TSHZ2: variants seen among roughly 807,000 people sequenced by gnomAD.
TSHZ2 encodes teashirt zinc finger homeobox 2.
TSHZ2 carries 21 observed loss-of-function variants against 74.4 expected under a neutral mutation model. The observed-to-expected ratio is 0.28, with a 90% confidence interval of 0.20 to 0.41. The LOEUF is 0.41. TSHZ2 is among the 10% of genes least tolerant of loss of function. The pLI is 1.00. For synonymous variants in TSHZ2, 540 were observed against 515.3 expected (o/e 1.05, Z -0.65); for missense variants, 1,244 against 1,293.5 (o/e 0.96, Z 0.59).
At chr20:53,185,717 A>G (rs1023202381) in intron 1 of TSHZ2, 2 of 1,535,908 alleles carry the variant, frequency 1.3e-6, no homozygotes, top group African/African-American at 2.7e-5. Flanking sequence ...AGTCATCCCT[A>G]TGGCTCTATT....
At chr20:53,366,641 G>A (rs1247543666) in intron 2 of TSHZ2, among the ~76,000 whole-genome samples, 1 of 152,064 alleles carries the variant, frequency 6.6e-6, no homozygotes, top group Non-Finnish European at 1.5e-5. Context: ...AATGAGAGAG[G>A]CTAGGTCAAG....
At position 53,255,334 on chromosome 20, in the gene TSHZ2, T is replaced by C; in HGVS notation, c.1876T>C (p.Phe626Leu). 1 of 1,614,048 alleles carries C rather than the reference T, an allele frequency of 6.2e-7. No homozygotes were observed. Among genetic ancestry groups the C allele is most frequent in the Non-Finnish European group, 8.5e-7 (1 of 1,179,958 alleles). The change falls in exon 2 of 3, where the codon TTC (phenylalanine) becomes CTC (leucine). Residue 626 changes from phenylalanine (F) to leucine (L), a missense_variant. By Grantham distance (22) the Phe-to-Leu change is conservative. Transcript: ENST00000371497. The surrounding 1 kb of genome is among the most constrained non-coding windows in gnomAD (Gnocchi z 4.1). Reference sequence around the variant, plus strand: ...AAGTCCCCACGAAGAGGCCTCATCTTTCAGCCACAGTGAGGGCGATTCTTT... The same window carrying C: ...AAGTCCCCACGAAGAGGCCTCATCTCTCAGCCACAGTGAGGGCGATTCTTT... ...KESPHEEASS[F>L]SHSEGDSFRK...
intron 2 of TSHZ2, among the ~76,000 whole-genome samples, chr20:53,485,129 T>C (rs1404191112): frequency 1.3e-5 from 2 of 152,216 alleles, no homozygotes; most frequent in African/African-American, 4.8e-5. Context: ...ACCGAAAACG[T>C]TCCTATCTTT....
chr20:53,061,549 T>C (rs1236033890), intron 1 of TSHZ2, among the ~76,000 whole-genome samples: 1 of 152,176 alleles, frequency 6.6e-6, no homozygotes, highest in Non-Finnish European at 1.5e-5. Flanking sequence ...TGCTGGGAGA[T>C]TTCCTGTGTA....
chr20:53,169,357 G>A (rs1212264181), intron 1 of TSHZ2, among the ~76,000 whole-genome samples: 2 of 152,186 alleles, frequency 1.3e-5, no homozygotes, highest in African/African-American at 4.8e-5. Context: ...CTCCAGCCGT[G>A]TTGAGCTCTA....
chr20:53,223,792 A>G, intron 1 of TSHZ2, among the ~76,000 whole-genome samples: 1 of 152,144 alleles, frequency 6.6e-6, no homozygotes, highest in East Asian at 1.9e-4. Flanking sequence ...AGCTGTGGCC[A>G]TAAAGAGTAG....
chr20:53,450,982 AAAG>A (rs1984757304), intron 2 of TSHZ2, among the ~76,000 whole-genome samples: 1 of 152,192 alleles, frequency 6.6e-6, no homozygotes. Context: ...GGGAAAAAAA[AAAG>A]ACCATGAATC....
intron 2 of TSHZ2, among the ~76,000 whole-genome samples, chr20:53,415,502 C>A: frequency 6.6e-6 from 1 of 152,012 alleles, no homozygotes; most frequent in Non-Finnish European, 1.5e-5. Flanking sequence ...CCCACACACA[C>A]AGCCTCCTAC....
intron 1 of TSHZ2, among the ~76,000 whole-genome samples, chr20:53,087,676 G>T (rs1985740573): frequency 6.6e-6 from 1 of 152,120 alleles, no homozygotes; most frequent in Non-Finnish European, 1.5e-5. Context: ...TTTCTTTTTT[G>T]ATTTGCTTGT....
intron 1 of TSHZ2, among the ~76,000 whole-genome samples, chr20:53,032,697 G>A (rs554094921): frequency 2.0e-5 from 3 of 152,262 alleles, no homozygotes; most frequent in South Asian, 4.2e-4. Flanking sequence ...TGTGAGAACC[G>A]ATGAGGAGGC....
At chr20:53,236,610 T>C (rs927457277) in intron 1 of TSHZ2, among the ~76,000 whole-genome samples, 4 of 152,200 alleles carry the variant, frequency 2.6e-5, no homozygotes, top group Admixed American at 6.5e-5. Flanking sequence ...CAAAGCTAGA[T>C]TCAATCAGTT....
At chr20:53,190,137 A>ATATATATATATT (rs1568803538) in intron 1 of TSHZ2, among the ~76,000 whole-genome samples, 3 of 90,494 alleles carry the variant, frequency 3.3e-5, no homozygotes, top group Non-Finnish European at 4.4e-5. Context: ...ATATATATAT[A>ATATATATATATT]TTTTCTTAAA....
intron 1 of TSHZ2, among the ~76,000 whole-genome samples, chr20:53,037,925 T>C (rs934338905): frequency 1.9e-4 from 29 of 152,126 alleles, no homozygotes; most frequent in African/African-American, 6.7e-4. Flanking sequence ...ACAGAATGCC[T>C]GGGTCTGCTT....
chr20:53,337,179 G>A (rs1010042507), intron 2 of TSHZ2, among the ~76,000 whole-genome samples: 4 of 152,158 alleles, frequency 2.6e-5, no homozygotes, highest in East Asian at 1.9e-4. Context: ...GAAAAGCTCC[G>A]TTTGGGCCTT....
chr20:53,138,467 C>T (rs554192831), intron 1 of TSHZ2, among the ~76,000 whole-genome samples: 2 of 151,990 alleles, frequency 1.3e-5, no homozygotes, highest in South Asian at 4.2e-4. Context: ...TCTGCCTATT[C>T]TCCCTCCACA....
At chr20:53,208,810 G>A (rs1288283705) in intron 1 of TSHZ2, 1 of 152,216 alleles carries the variant, frequency 6.6e-6, no homozygotes, top group East Asian at 1.9e-4. Flanking sequence ...CTACCACAAA[G>A]GTGTGTTTGT....
chr20:53,125,050 T>C (rs1458520790), intron 1 of TSHZ2, among the ~76,000 whole-genome samples: 1 of 152,218 alleles, frequency 6.6e-6, no homozygotes, highest in East Asian at 1.9e-4. Flanking sequence ...TGGCATCACT[T>C]TCAAGCTATA....
In TSHZ2 at chr20:52,973,108, G is replaced by C. The variant is rs1021926112; in HGVS notation, c.-186G>C. On this transcript the variant is annotated 5_prime_UTR_variant, in exon 1 of 3. Transcript: ENST00000371497. ...AAGCCACCCGTGTCTGCCACCCAGAGAGGGGGGTCTCTGGCCCGTGGTGGA... is the reference window on the plus strand; with the variant it reads ...AAGCCACCCGTGTCTGCCACCCAGACAGGGGGGTCTCTGGCCCGTGGTGGA... 4 of 651,956 alleles carry C rather than the reference G, an allele frequency of 6.1e-6. No homozygotes were observed. In the South Asian group the frequency reaches 9.7e-5, roughly 16 times the overall value. The allele number at this position is 651,956 out of a possible 1,614,324, so 40.4% of individuals were successfully genotyped here.
chr20:53,202,705 T>C (rs1989038065), intron 1 of TSHZ2, among the ~76,000 whole-genome samples: 1 of 152,222 alleles, frequency 6.6e-6, no homozygotes, highest in African/African-American at 2.4e-5. Flanking sequence ...TTGAATTCTT[T>C]ACTGTATTGC....
Sources: allele counts gnomAD v4.1 joint callset (sites outside exome capture counted in the v4.1 genomes callset), GRCh38; gene constraint gnomAD v4.1.1; non-coding constraint Gnocchi (gnomAD v3.1); transcripts MANE v1.5; gene names NCBI Gene and HGNC (gene_info 2026-07-23, HGNC 2026-07-21).